Variants in HUNK observed in about 807,000 individuals in gnomAD.
HUNK encodes hormonally up-regulated Neu-associated kinase, also known as hormonally up-regulated neu tumor-associated kinase.
In HUNK, 21 loss-of-function variants were observed where a neutral mutation model predicts 61.0. The observed-to-expected ratio is 0.34, with a 90% CI of 0.24 to 0.50. The LOEUF (loss-of-function observed/expected upper bound fraction) is 0.50, where lower values mean the gene tolerates loss of function less well. Among genes scored for constraint, HUNK ranks in the 20% least tolerant of loss-of-function variants. The pLI is 0.98. For missense variants in HUNK, 772 were observed against 945.7 expected (o/e 0.82, Z 2.41); for synonymous variants, 371 against 386.1 (o/e 0.96, Z 0.46).
intron 1 of HUNK, among the ~76,000 whole-genome samples, chr21:31,880,359 A>T (rs2052297367): frequency 6.6e-6 from 1 of 152,200 alleles, no homozygotes; most frequent in African/African-American, 2.4e-5. Context: ...ACAGAAATTT[A>T]TTCTGTCACA....
At chr21:31,919,319 G>A (rs556043696) in intron 1 of HUNK, among the ~76,000 whole-genome samples, 1 of 152,278 alleles carries the variant, frequency 6.6e-6, no homozygotes, top group East Asian at 1.9e-4. Flanking sequence ...CTTCAGGAAA[G>A]GGAGGAGGAT....
intron 2 of HUNK, among the ~76,000 whole-genome samples, chr21:31,933,761 G>A (rs2052713944): frequency 6.6e-6 from 1 of 150,934 alleles, no homozygotes; most frequent in Non-Finnish European, 1.5e-5. Context: ...CTCCAGCCTG[G>A]GGAACAGAGC....
chr21:31,927,928 G>C (rs1337118441), intron 2 of HUNK, among the ~76,000 whole-genome samples: 1 of 152,210 alleles, frequency 6.6e-6, no homozygotes, highest in Admixed American at 6.5e-5. Context: ...GTTGTCATGA[G>C]ATCACCCTTC....
rs887650284 is a variant in HUNK at position 32,000,368 on chromosome 21, G to C, written c.*1184G>C. On this transcript the variant is annotated 3_prime_UTR_variant, in exon 11 of 11. Coordinates refer to ENST00000270112, the MANE Select transcript of HUNK (RefSeq NM_014586.2). ...GCTCCTCAAACAGGGTTCAGTCCAC[G>C]TTGTGTTTTCACACCTTTCTCCAAG... 2.5e-6 allele frequency: 1 copy of C among 398,982 alleles called. No homozygotes were observed. The highest frequency in any genetic ancestry group is 2.1e-5 in the African/African-American group (1 of 48,628). 24.7% of individuals were successfully genotyped at this position (398,982 alleles called of 1,614,324 possible).
At chr21:31,981,188 C>T (rs1465251486) in intron 7 of HUNK, among the ~76,000 whole-genome samples, 1 of 152,134 alleles carries the variant, frequency 6.6e-6, no homozygotes, top group Non-Finnish European at 1.5e-5. Context: ...CATTTTTGGA[C>T]TCTCTTTTCT....
intron 9 of HUNK, 96 bp from the exon 10 acceptor site, chr21:31,995,672 G>A (rs2053199438): frequency 1.0e-6 from 1 of 957,424 alleles, no homozygotes. Context: ...TGAAAAGGTG[G>A]AGTTTCTCTA....
rs1192390374 is a variant in HUNK, at chr21:32,000,913, C to T, written c.*1729C>T. ...TAGGGCATTCTAGGATGAGGTCAGACCCCTTGGCCATTGGTGTTATTTTTT... is the reference window on the plus strand; with the variant it reads ...TAGGGCATTCTAGGATGAGGTCAGATCCCTTGGCCATTGGTGTTATTTTTT... On this transcript the variant is annotated 3_prime_UTR_variant, in exon 11 of 11. Coordinates refer to ENST00000270112, the MANE Select transcript of HUNK (RefSeq NM_014586.2). 2.5e-6 allele frequency: 1 copy of T among 396,778 alleles called. No individual in the cohort carries two copies. The highest frequency in any genetic ancestry group is 4.4e-6 in the Non-Finnish European group (1 of 225,638). 24.6% of individuals were successfully genotyped at this position (396,778 alleles called of 1,614,324 possible).
chr21:31,916,538 G>A (rs2052584147), intron 1 of HUNK, among the ~76,000 whole-genome samples: 1 of 151,952 alleles, frequency 6.6e-6, no homozygotes, highest in Non-Finnish European at 1.5e-5. Context: ...CAGTCAGCAA[G>A]TGACCTCTCT....
At chr21:31,933,730 A>C (rs35840446) in intron 2 of HUNK, among the ~76,000 whole-genome samples, 19,903 of 150,696 alleles carry the variant, frequency 0.13, 1,372 homozygotes, top group East Asian at 0.22. Context: ...GGCTGCAGTG[A>C]GCTGAGATTG....
chr21:31,998,925 G>GC lies in HUNK; in HGVS notation c.1892dup (p.Glu633ArgfsTer53), dbSNP rs35859052. 2 of 1,614,152 alleles carry GC rather than the reference G, an allele frequency of 1.2e-6. No homozygotes were observed. The highest frequency in any genetic ancestry group is 1.7e-6 in the Non-Finnish European group (2 of 1,180,048). On this transcript the variant is annotated frameshift_variant, in exon 11 of 11. Coordinates refer to ENST00000270112, the MANE Select transcript of HUNK (RefSeq NM_014586.2). LOFTEE classifies it high-confidence loss of function. ...TCTTTTGCTCACGAAGATAAGAACA[G>GC]CCCCCCAAAAGAGGAGGGCCTGTGT...
chr21:31,945,929 G>A, intron 3 of HUNK, 107 bp from the exon 4 acceptor site: 1 of 1,112,590 alleles, frequency 9.0e-7, no homozygotes, highest in Non-Finnish European at 1.3e-6. Flanking sequence ...GTTAGCCTGA[G>A]AGAATGTTTC....
In HUNK at chr21:31,906,407, T is replaced by C. The variant is rs913275906; in HGVS notation, c.262-18061T>C. On this transcript the variant is annotated intron_variant, in intron 1 of 10. Coordinates refer to ENST00000270112, the MANE Select transcript of HUNK (RefSeq NM_014586.2). ...AACAGAGCATTTCTTCCTTCCTTCA[T>C]TCTCCAGATTTTGTGGTTGCCGTTG... 1.3e-4 allele frequency among the ~76,000 whole-genome samples: 20 copies of C among 152,100 alleles called. 1 individual carries two copies. Among genetic ancestry groups the C allele is most frequent in the African/African-American group, 3.6e-4 (15 of 41,442 alleles).
intron 3 of HUNK, among the ~76,000 whole-genome samples, chr21:31,944,451 A>T (rs1334589581): frequency 6.6e-6 from 1 of 152,094 alleles, no homozygotes; most frequent in Non-Finnish European, 1.5e-5. Flanking sequence ...GGGGTCTGAG[A>T]ACAGGGTTTC....
intron 1 of HUNK, among the ~76,000 whole-genome samples, chr21:31,914,511 C>T (rs756024155): frequency 4.6e-5 from 7 of 151,590 alleles, no homozygotes; most frequent in African/African-American, 1.2e-4. Flanking sequence ...CAGGGAATCC[C>T]GTAGAATTGT....
chr21:31,929,771 A>G (rs1165028410), intron 2 of HUNK, among the ~76,000 whole-genome samples: 1 of 152,252 alleles, frequency 6.6e-6, no homozygotes, highest in Admixed American at 6.5e-5. Context: ...TCCCAGGGCC[A>G]TGACCTTATC....
intron 10 of HUNK, among the ~76,000 whole-genome samples, chr21:31,998,101 T>A (rs775849481): frequency 6.6e-6 from 1 of 152,144 alleles, no homozygotes; most frequent in Non-Finnish European, 1.5e-5. Flanking sequence ...AAAATTTTTT[T>A]AGAGACGGGG....
At chr21:31,920,872 CTGGGCACGGTGG>C (rs2052617509) in intron 1 of HUNK, among the ~76,000 whole-genome samples, 1 of 152,152 alleles carries the variant, frequency 6.6e-6, no homozygotes. Context: ...AGACTCTGGG[CTGGGCACGGTGG>C]CTCATTCCTA....
chr21:31,995,623 T>TG lies in HUNK; in HGVS notation c.1306-145_1306-144insG, dbSNP rs529084110. On this transcript the variant is annotated intron_variant, in intron 9 of 10. Transcript: ENST00000270112. ...CCTGGAGCATTGGCTGGGCCACAGC[T>TG]CCTCCCTCATTCAACACACAGTTGA... The TG allele has an allele frequency of 8.3e-5, 59 of 709,820 alleles. 1 individual carries two copies. In the South Asian group the frequency reaches 1.1e-3, roughly 14 times the overall value. 44.0% of individuals were successfully genotyped at this position (709,820 alleles called of 1,614,324 possible).
At chr21:31,955,217 C>T (rs1159408811) in intron 4 of HUNK, among the ~76,000 whole-genome samples, 1 of 152,064 alleles carries the variant, frequency 6.6e-6, no homozygotes, top group Non-Finnish European at 1.5e-5. Context: ...ACATTAAGTC[C>T]ACCTCTGCTT....
Sources: gnomAD v4.1 joint callset for allele counts (sites outside exome capture counted in the v4.1 genomes callset) on GRCh38, gnomAD v4.1.1 for gene constraint, MANE v1.5 for transcripts, NCBI Gene and HGNC (gene_info 2026-07-23, HGNC 2026-07-21) for gene names.